The following SIL1 variants were observed in gnomAD, a reference collection of about 807,000 sequenced individuals.
SIL1 encodes nucleotide exchange factor SIL1.
Under a neutral mutation model 49.1 loss-of-function variants are expected in SIL1, and 40 were observed. The ratio of observed to expected loss-of-function variants is 0.81; its 90% CI spans 0.63 to 1.06. The LOEUF is 1.06. SIL1 is among the 50% of genes least tolerant of loss of function. The probability of loss-of-function intolerance (pLI) is 0.00; values close to 1 mark genes in which losing one functional copy is unlikely to be tolerated. For missense variants in SIL1, 500 were observed against 572.6 expected, an observed-to-expected ratio of 0.87 and a Z score of 1.29; for synonymous variants, 253 against 250.8, an observed-to-expected ratio of 1.01 and a Z score of -0.08.
intron 6 of SIL1, 56 bp downstream of exon 6, chr5:139,026,745 G>T: frequency 6.7e-7 from 1 of 1,495,522 alleles, no homozygotes; most frequent in Non-Finnish European, 9.3e-7. Context: ...TTAGGGAAGG[G>T]GGATTTATTT....
At chr5:139,101,072 T>C (rs1770577402) in intron 3 of SIL1, among the ~76,000 whole-genome samples, 1 of 152,098 alleles carries the variant, frequency 6.6e-6, no homozygotes, top group South Asian at 2.1e-4. Context: ...ATCAAGACTT[T>C]CTTACCTTCC....
chr5:138,992,801 C>T (rs890717465), intron 7 of SIL1, among the ~76,000 whole-genome samples: 3 of 152,004 alleles, frequency 2.0e-5, no homozygotes, highest in Non-Finnish European at 4.4e-5. Context: ...ACCAAAATCT[C>T]AGAAATCACC....
At chr5:139,085,714 T>C (rs1770202979) in intron 3 of SIL1, among the ~76,000 whole-genome samples, 2 of 152,042 alleles carry the variant, frequency 1.3e-5, no homozygotes, top group African/African-American at 2.4e-5. Flanking sequence ...GGAGCATGAA[T>C]GGGACAGGCA....
chr5:139,030,775 G>C (rs1474853616), intron 5 of SIL1, among the ~76,000 whole-genome samples: 1 of 152,116 alleles, frequency 6.6e-6, no homozygotes, highest in Admixed American at 6.5e-5. Flanking sequence ...TAGGATTGCA[G>C]GTGTGAGCCA....
intron 3 of SIL1, among the ~76,000 whole-genome samples, chr5:139,077,796 A>T (rs562408982): frequency 6.8e-6 from 1 of 146,108 alleles, no homozygotes; most frequent in Admixed American, 6.6e-5. Context: ...ATCAAATCTC[A>T]TTGTTACAGA....
intron 7 of SIL1, among the ~76,000 whole-genome samples, chr5:138,960,270 G>A (rs1766989494): frequency 6.6e-6 from 1 of 152,170 alleles, no homozygotes; most frequent in South Asian, 2.1e-4. Context: ...ATGAGAACCA[G>A]AATGCAGGTT....
chr5:139,194,929 CCTTTTT>C (rs985050293), intron 1 of SIL1, among the ~76,000 whole-genome samples: 3 of 149,880 alleles, frequency 2.0e-5, no homozygotes, highest in African/African-American at 7.4e-5. Flanking sequence ...CCTTTCAGAG[CCTTTTT>C]TTTTTTTTTT....
At chr5:138,978,146 G>A (rs1767432385) in intron 7 of SIL1, among the ~76,000 whole-genome samples, 1 of 152,044 alleles carries the variant, frequency 6.6e-6, no homozygotes, top group Non-Finnish European at 1.5e-5. Flanking sequence ...TCACAGAGTT[G>A]TGCAACATAT....
chr5:139,116,895 C>T (rs914886355), intron 3 of SIL1, among the ~76,000 whole-genome samples: 1 of 152,212 alleles, frequency 6.6e-6, no homozygotes, highest in African/African-American at 2.4e-5. Context: ...ATCATCTCTG[C>T]GAAGTAGGTA....
At chr5:139,191,643 T>G (rs1002115953) in intron 1 of SIL1, among the ~76,000 whole-genome samples, 5 of 151,598 alleles carry the variant, frequency 3.3e-5, no homozygotes, top group Non-Finnish European at 7.4e-5. Flanking sequence ...AAAATTAAAT[T>G]AGCCAGGCAT....
At chr5:139,036,823 G>T (rs1456763143) in intron 5 of SIL1, among the ~76,000 whole-genome samples, 17 of 151,978 alleles carry the variant, frequency 1.1e-4, no homozygotes, top group Non-Finnish European at 1.5e-5. Flanking sequence ...TAACAAACCT[G>T]AACATGTACC....
chr5:139,090,614 A>T (rs536737554), intron 3 of SIL1, among the ~76,000 whole-genome samples: 24 of 152,224 alleles, frequency 1.6e-4, no homozygotes, highest in Non-Finnish European at 2.9e-4. Flanking sequence ...ATCTATAGGG[A>T]AAGCACTTTC....
intron 2 of SIL1, among the ~76,000 whole-genome samples, chr5:139,124,384 G>A (rs1004036799): frequency 6.6e-6 from 1 of 152,058 alleles, no homozygotes; most frequent in African/African-American, 2.4e-5. Flanking sequence ...AATGTTTTTT[G>A]CACCTCCTTT....
chr5:139,146,334 A>G (rs942275117), intron 1 of SIL1, among the ~76,000 whole-genome samples: 2 of 152,138 alleles, frequency 1.3e-5, no homozygotes, highest in Admixed American at 6.5e-5. Flanking sequence ...AGGTGAGACA[A>G]TCACTTGAGC....
Position 139,196,967 on chromosome 5 carries a change from CA to C in SIL1, c.-11+1301del, listed in dbSNP as rs934144882. Among the ~76,000 whole-genome samples the C allele has an allele frequency of 3.2e-4, 48 of 150,742 alleles. No individual in the cohort carries two copies. In the Middle Eastern group the frequency reaches 0.01, roughly 32 times the overall value. On this transcript the variant is annotated intron_variant, in intron 1 of 9. Transcript: ENST00000394817. ...CACAACAAAATATCTTTCACAATGT[CA>C]AAAAAAAACCTGTTTATATGCCAGG...
chr5:139,194,941 T>TC (rs917650036), intron 1 of SIL1, among the ~76,000 whole-genome samples: 44 of 151,970 alleles, frequency 2.9e-4, no homozygotes, highest in African/African-American at 9.9e-4. Context: ...TTTTTTTTTT[T>TC]TTTTGAGACA....
intron 2 of SIL1, among the ~76,000 whole-genome samples, chr5:139,126,710 G>A (rs544073566): frequency 1.4e-4 from 22 of 152,364 alleles, no homozygotes; most frequent in Admixed American, 6.5e-4. Context: ...CCTGCTCCAC[G>A]AAGTGGGGGG....
At chr5:139,011,205 G>A (rs1475208498) in intron 7 of SIL1, among the ~76,000 whole-genome samples, 2 of 151,118 alleles carry the variant, frequency 1.3e-5, no homozygotes, top group African/African-American at 2.4e-5. Flanking sequence ...CGCAATATTC[G>A]GGTGGGAGTG....
intron 3 of SIL1, among the ~76,000 whole-genome samples, chr5:139,065,714 C>A (rs1769689580): frequency 6.6e-6 from 1 of 152,186 alleles, no homozygotes. Flanking sequence ...CCAACTGCAC[C>A]CCCATACACC....
Sources: gnomAD v4.1 joint callset for allele counts (sites outside exome capture counted in the v4.1 genomes callset) on GRCh38, gnomAD v4.1.1 for gene constraint, MANE v1.5 for transcripts, NCBI Gene and HGNC (gene_info 2026-07-23, HGNC 2026-07-21) for gene names.